The following RAD54B variants were observed in gnomAD, a reference collection of about 807,000 sequenced individuals.
The protein encoded by RAD54B is DNA repair and recombination protein RAD54B.
Under a neutral mutation model 95.8 loss-of-function variants are expected in RAD54B, and 78 were observed. The ratio of observed to expected loss-of-function variants is 0.81; its 90% CI spans 0.68 to 0.98. The LOEUF (loss-of-function observed/expected upper bound fraction) is 0.98, where lower values mean the gene tolerates loss of function less well. Among genes scored for constraint, RAD54B ranks in the 50% least tolerant of loss-of-function variants. RAD54B has a pLI of 0.00. For missense variants in RAD54B, 957 were observed against 1,056.6 expected (o/e 0.91, Z 1.31); for synonymous variants, 328 against 354.9 (o/e 0.92, Z 0.85).
At chr8:94,412,745 A>C (rs1811557982) in intron 3 of RAD54B, among the ~76,000 whole-genome samples, 1 of 152,186 alleles carries the variant, frequency 6.6e-6, no homozygotes, top group Admixed American at 6.5e-5. Context: ...AGGCAACAAA[A>C]GCATATAAAG....
intron 3 of RAD54B, chr8:94,429,465 ACT>A (rs1812030263): frequency 1.0e-6 from 1 of 974,578 alleles, no homozygotes; most frequent in African/African-American, 1.8e-5. Context: ...ACTTGGGAAA[ACT>A]CTGATTTGCT....
intron 3 of RAD54B, among the ~76,000 whole-genome samples, chr8:94,441,433 C>G (rs569469615): frequency 1.3e-5 from 2 of 152,194 alleles, no homozygotes; most frequent in African/African-American, 4.8e-5. Flanking sequence ...TCCAGAAACA[C>G]GCTTACCAGT....
rs578106116 is a variant in RAD54B at position 94,448,471 on chromosome 8, C to T, written c.304+9797G>A. On this transcript the variant is annotated intron_variant, in intron 3 of 14. Transcript: ENST00000336148. Reference sequence around the variant, plus strand: ...CAGCAATCCCTCTTCTTGGCACACACCCAAAGGAGATGAAATCACCATCTC... The same window carrying T: ...CAGCAATCCCTCTTCTTGGCACACATCCAAAGGAGATGAAATCACCATCTC... 4.6e-5 allele frequency among the ~76,000 whole-genome samples: 7 copies of T among 152,180 alleles called. No homozygotes were observed. In the East Asian group the frequency reaches 1.2e-3, roughly 25 times the overall value.
chr8:94,459,836 G>A (rs1041988960), intron 2 of RAD54B, among the ~76,000 whole-genome samples: 3 of 149,214 alleles, frequency 2.0e-5, no homozygotes, highest in African/African-American at 7.4e-5. Flanking sequence ...CTCCAGCCTG[G>A]GCGACAGAAC....
At chr8:94,379,838 A>T (rs1245823428) in intron 12 of RAD54B, among the ~76,000 whole-genome samples, 1 of 152,240 alleles carries the variant, frequency 6.6e-6, no homozygotes, top group East Asian at 1.9e-4. Context: ...CCTAAAGGCC[A>T]ACTCTGCAGT....
intron 3 of RAD54B, among the ~76,000 whole-genome samples, chr8:94,416,382 G>A (rs1211412967): frequency 6.6e-6 from 1 of 152,050 alleles, no homozygotes; most frequent in African/African-American, 2.4e-5. Flanking sequence ...GGGGCGAGGG[G>A]GGAGGGATAG....
At chr8:94,421,690 T>G (rs994071617) in intron 3 of RAD54B, among the ~76,000 whole-genome samples, 9 of 152,160 alleles carry the variant, frequency 5.9e-5, no homozygotes, top group African/African-American at 1.9e-4. Context: ...CTCTACTTTT[T>G]CAGTCCCACA....
chr8:94,415,105 G>A (rs1329309537), intron 3 of RAD54B, among the ~76,000 whole-genome samples: 1 of 151,776 alleles, frequency 6.6e-6, no homozygotes, highest in African/African-American at 2.4e-5. Flanking sequence ...CACACTACCT[G>A]ACTTCAAACT....
At chr8:94,394,026 A>T (rs529898377) in intron 8 of RAD54B, 144 bp from the exon 9 acceptor site, 5 of 725,758 alleles carry the variant, frequency 6.9e-6, no homozygotes. Flanking sequence ...AAACTAAGAA[A>T]GAGCAGTCAA....
chr8:94,428,719 T>C (rs373474479), intron 3 of RAD54B: 6 of 974,986 alleles, frequency 6.2e-6, no homozygotes, highest in African/African-American at 5.3e-5. Context: ...AACCTGCAGA[T>C]AGAAAGCCAA....
chr8:94,432,665 C>A (rs1217060343), intron 3 of RAD54B: 2 of 1,480,824 alleles, frequency 1.4e-6, no homozygotes, highest in South Asian at 1.4e-5. Flanking sequence ...CACTATAGCA[C>A]ACAAAAAAGC....
At chr8:94,458,745 T>C (rs1294251540) in intron 2 of RAD54B, among the ~76,000 whole-genome samples, 1 of 152,118 alleles carries the variant, frequency 6.6e-6, no homozygotes, top group African/African-American at 2.4e-5. Context: ...CAAGTGCCTG[T>C]TATCCCAGCT....
At chr8:94,419,222 C>A (rs1179322164) in intron 3 of RAD54B, among the ~76,000 whole-genome samples, 2 of 152,132 alleles carry the variant, frequency 1.3e-5, no homozygotes, top group East Asian at 3.9e-4. Context: ...AAAATTAAAG[C>A]AAAAAGGTTG....
chr8:94,382,622 CTG>C (rs1810772658), intron 11 of RAD54B, among the ~76,000 whole-genome samples: 1 of 152,212 alleles, frequency 6.6e-6, no homozygotes, highest in African/African-American at 2.4e-5. Flanking sequence ...TGATTTGGCT[CTG>C]TGTCTCCACC....
At chr8:94,424,087 A>G (rs1811885161) in intron 3 of RAD54B, among the ~76,000 whole-genome samples, 1 of 152,170 alleles carries the variant, frequency 6.6e-6, no homozygotes, top group Admixed American at 6.5e-5. Context: ...CCCAGAAAAA[A>G]CAATGAACAA....
rs1811032340 is a variant in RAD54B, at chr8:94,391,875, T to C, written c.1543A>G (p.Arg515Gly). 1.9e-6 allele frequency: 3 copies of C among 1,610,620 alleles called. No individual in the cohort carries two copies. Among genetic ancestry groups the C allele is most frequent in the South Asian group, 2.2e-5 (2 of 89,932 alleles). Residue 515 changes from arginine (R) to glycine (G), a missense_variant, in exon 10 of 15, where the codon AGA becomes GGA. Coordinates refer to ENST00000336148, the MANE Select transcript of RAD54B (RefSeq NM_012415.3). Reference sequence around the variant, plus strand: ...GTGAGGCAAGTAAGTTCAGCTGCTCTTCTTTCTCCTAACTCCTTTTCTTCC... The same window carrying C: ...GTGAGGCAAGTAAGTTCAGCTGCTCCTCTTTCTCCTAACTCCTTTTCTTCC... ...SEEEKELGER[R>G]AAELTCLTGL...
Position 94,391,604 on chromosome 8 carries a change from C to A in RAD54B, c.1809+5G>T. 3 of 1,612,038 alleles carry A rather than the reference C, an allele frequency of 1.9e-6. No individual in the cohort carries two copies. The highest frequency in any genetic ancestry group is 2.5e-6 in the Non-Finnish European group (3 of 1,179,192). On this transcript the variant is annotated splice_donor_5th_base_variant and intron_variant, in intron 10 of 14. Coordinates refer to ENST00000336148, the MANE Select transcript of RAD54B (RefSeq NM_012415.3). The stretch of plus-strand genomic sequence containing the variant: ...CTGACACAGTTTCAGATACTATGCA[C>A]TTACCTTTATAGAGTTGAACAAAAG...
At chr8:94,422,564 G>T (rs113103723) in intron 3 of RAD54B, among the ~76,000 whole-genome samples, 3,903 of 110,572 alleles carry the variant, frequency 0.035, 88 homozygotes, top group Middle Eastern at 0.093. Flanking sequence ...CTCCAGCCTG[G>T]ACGATAGAGC....
rs1812428069 is a variant in RAD54B at position 94,442,574 on chromosome 8, C to CAA, written c.304+15693_304+15694insTT. 3.9e-5 allele frequency among the ~76,000 whole-genome samples: 3 copies of CAA among 77,120 alleles called. No homozygotes were observed. In the South Asian group the frequency reaches 1.3e-3, roughly 33 times the overall value. The allele number at this position is 77,120 out of a possible 152,430, so 50.6% of individuals were successfully genotyped here. A position where few individuals can be genotyped will look rare whatever the true frequency, so the allele number is the denominator to read the frequency against. ...TGGGTGACAGAGCGAGACTCTGTCTCAGAAAAAAAAAAAAAAAAAAAAGTA... is the reference window on the plus strand; with the variant it reads ...TGGGTGACAGAGCGAGACTCTGTCTCAAAGAAAAAAAAAAAAAAAAAAAAGTA... On this transcript the variant is annotated intron_variant, in intron 3 of 14. Coordinates refer to ENST00000336148, the MANE Select transcript of RAD54B (RefSeq NM_012415.3).
Sources: allele counts gnomAD v4.1 joint callset (sites outside exome capture counted in the v4.1 genomes callset), GRCh38; gene constraint gnomAD v4.1.1; transcripts MANE v1.5; gene names NCBI Gene and HGNC (gene_info 2026-07-23, HGNC 2026-07-21).